The following TAF12 variants were observed in gnomAD, a reference collection of about 807,000 sequenced individuals.
TAF12 encodes transcription initiation factor TFIID subunit 12.
In TAF12, 3 loss-of-function variants were observed where a neutral mutation model predicts 20.8. The ratio of observed to expected loss-of-function variants is 0.14; its 90% confidence interval spans 0.07 to 0.37. TAF12 has a LOEUF of 0.37. TAF12 is among the 10% of genes least tolerant of loss of function. The pLI is 1.00. For synonymous variants in TAF12, 69 were observed against 70.2 expected, an observed-to-expected ratio of 0.98 and a Z score of 0.09; for missense variants, 131 against 197.9, an observed-to-expected ratio of 0.66 and a Z score of 2.03.
rs188430093 is a variant in TAF12, at chr1:28,608,733, C to T, written c.362-3273G>A. The stretch of plus-strand genomic sequence containing the variant: ...TTGTGCCACTGCACTCCAGTCTGGG[C>T]GACAGACTGAGACTCTGTCTCAAAG... On this transcript the variant is annotated intron_variant, in intron 4 of 5. Coordinates refer to ENST00000373824, the MANE Select transcript of TAF12 (RefSeq NM_005644.4). Among the ~76,000 whole-genome samples the T allele has an allele frequency of 2.8e-3, 422 of 150,970 alleles. 1 individual carries two copies. The highest frequency in any genetic ancestry group is 9.9e-3 in the African/African-American group (408 of 41,072).
chr1:28,638,347 G>A (rs1170644141), intron 1 of TAF12, among the ~76,000 whole-genome samples: 4 of 151,820 alleles, frequency 2.6e-5, no homozygotes, highest in East Asian at 1.9e-4. Context: ...GCATCACCAC[G>A]CCCAGCTAAT....
intron 4 of TAF12, among the ~76,000 whole-genome samples, chr1:28,608,054 G>T (rs1245980363): frequency 6.6e-6 from 1 of 151,836 alleles, no homozygotes; most frequent in Non-Finnish European, 1.5e-5. Flanking sequence ...TTGAACAGCC[G>T]GGCGTGATGG....
At chr1:28,635,887 CTTTT>C (rs754243677) in intron 1 of TAF12, among the ~76,000 whole-genome samples, 2 of 151,720 alleles carry the variant, frequency 1.3e-5, no homozygotes, top group Non-Finnish European at 2.9e-5. Context: ...CCTTCAAAAC[CTTTT>C]TTTACCTCTG....
chr1:28,609,475 A>T (rs1482171047), intron 4 of TAF12, among the ~76,000 whole-genome samples: 1 of 151,790 alleles, frequency 6.6e-6, no homozygotes, highest in Non-Finnish European at 1.5e-5. Context: ...TATGTAAATT[A>T]TCTCATTTAA....
At chr1:28,633,287 C>T (rs1317030429) in intron 1 of TAF12, among the ~76,000 whole-genome samples, 1 of 151,128 alleles carries the variant, frequency 6.6e-6, no homozygotes, top group Non-Finnish European at 1.5e-5. Context: ...CTGCCTCAGC[C>T]TCCAGAGTAG....
chr1:28,607,622 AGACGGCACCACTGCACTCTAGCCTAGGT>A (rs1489917180), intron 4 of TAF12, among the ~76,000 whole-genome samples: 1 of 152,078 alleles, frequency 6.6e-6, no homozygotes, highest in Non-Finnish European at 1.5e-5. Flanking sequence ...CAGTGAGCTG[AGACGGCACCACTGCACTCTAGCCTAGGT>A]GACAGAGCGA....
Position 28,610,829 on chromosome 1 carries a change from G to A in TAF12, c.361+2418C>T, listed in dbSNP as rs548362646. Among the ~76,000 whole-genome samples, 515 of 151,906 alleles carry A rather than the reference G, an allele frequency of 3.4e-3. 2 individuals carry two copies. The highest frequency in any genetic ancestry group is 0.012 in the African/African-American group (488 of 41,444). On this transcript the variant is annotated intron_variant, in intron 4 of 5. Coordinates refer to ENST00000373824, the MANE Select transcript of TAF12 (RefSeq NM_005644.4). Reference sequence around the variant, plus strand: ...ACAAAAATTAGCTGGGCATGGTGGCGTGTGCCTGTAGTCCCAGCTACTCAG... The same window carrying A: ...ACAAAAATTAGCTGGGCATGGTGGCATGTGCCTGTAGTCCCAGCTACTCAG...
chr1:28,620,610 G>A (rs1044652335), intron 2 of TAF12, among the ~76,000 whole-genome samples: 1 of 151,420 alleles, frequency 6.6e-6, no homozygotes, highest in African/African-American at 2.4e-5. Context: ...TAATGTTTTT[G>A]TATTTTTAGT....
chr1:28,642,348 C>T (rs572571555), intron 1 of TAF12, among the ~76,000 whole-genome samples: 1 of 152,260 alleles, frequency 6.6e-6, no homozygotes, highest in African/African-American at 2.4e-5. Context: ...AACCCTTTCC[C>T]TTTACTTTGT....
intron 2 of TAF12, among the ~76,000 whole-genome samples, chr1:28,620,878 A>C (rs772352000): frequency 3.9e-5 from 6 of 152,114 alleles, no homozygotes; most frequent in Non-Finnish European, 7.3e-5. Context: ...TCATTCTATC[A>C]TTATCACCTA....
chr1:28,614,887 T>C (rs2124317983), intron 3 of TAF12, among the ~76,000 whole-genome samples: 1 of 152,132 alleles, frequency 6.6e-6, no homozygotes, highest in East Asian at 1.9e-4. Flanking sequence ...GATGGTTTGA[T>C]TGAGCTCTGG....
chr1:28,636,768 T>G (rs571416367), intron 1 of TAF12, among the ~76,000 whole-genome samples: 1 of 151,264 alleles, frequency 6.6e-6, no homozygotes, highest in Non-Finnish European at 1.5e-5. Context: ...ACCACTGCAC[T>G]CCAACGTGGG....
chr1:28,637,530 T>G (rs1667877407), intron 1 of TAF12, among the ~76,000 whole-genome samples: 1 of 151,820 alleles, frequency 6.6e-6, no homozygotes, highest in African/African-American at 2.4e-5. Flanking sequence ...CCGGGCATTG[T>G]GGCGCGCGCT....
At chr1:28,645,224 A>G (rs142683508), upstream of TAF12, among the ~76,000 whole-genome samples, 1,170 of 150,732 alleles carry the variant, frequency 7.8e-3, 10 homozygotes, top group African/African-American at 0.027. Context: ...TTTAGTAGAG[A>G]TGGGGTTTCA....
chr1:28,640,571 T>C (rs1448239382), intron 1 of TAF12, among the ~76,000 whole-genome samples: 6 of 152,200 alleles, frequency 3.9e-5, no homozygotes, highest in East Asian at 1.9e-4. Flanking sequence ...AATTAAATCA[T>C]AGAATACTCG....
intron 2 of TAF12, 123 bp downstream of exon 2, chr1:28,621,791 G>A (rs1667228501): frequency 1.4e-6 from 2 of 1,423,654 alleles, no homozygotes; most frequent in Non-Finnish European, 1.9e-6. Flanking sequence ...ATCCAAAAGA[G>A]GGAAAAGACC....
At chr1:28,616,502 G>GTGGGTGAA (rs2124322838) in intron 3 of TAF12, among the ~76,000 whole-genome samples, 1 of 152,162 alleles carries the variant, frequency 6.6e-6, no homozygotes, top group East Asian at 1.9e-4. Context: ...GGAGGCCGAG[G>GTGGGTGAA]TGGGTGAATC....
intron 3 of TAF12, among the ~76,000 whole-genome samples, chr1:28,615,307 T>C (rs1219316823): frequency 6.6e-6 from 1 of 152,020 alleles, no homozygotes; most frequent in Non-Finnish European, 1.5e-5. Flanking sequence ...GACACCATCT[T>C]AGAGAAAGAT....
At chr1:28,642,754 CAG>C in intron 1 of TAF12, 1 of 985,566 alleles carries the variant, frequency 1.0e-6, no homozygotes, top group Non-Finnish European at 1.2e-6. Flanking sequence ...CACTTTCCCT[CAG>C]ATGCCGGAGA....
Sources: allele counts gnomAD v4.1 joint callset (sites outside exome capture counted in the v4.1 genomes callset), GRCh38; gene constraint gnomAD v4.1.1; transcripts MANE v1.5; gene names NCBI Gene and HGNC (gene_info 2026-07-23, HGNC 2026-07-21).